The following MYOM2 variants were observed in gnomAD, a reference collection of about 807,000 sequenced individuals.
The protein encoded by MYOM2 is myomesin-2.
A neutral mutation model predicts 187.6 loss-of-function variants in MYOM2; 254 were observed. The ratio of observed to expected loss-of-function variants is 1.35; its 90% CI spans 1.22 to 1.50. MYOM2 has a LOEUF of 1.50. Ranked by LOEUF, MYOM2 falls within the 40% of genes most tolerant of loss-of-function variation. The pLI is 0.00. For missense variants in MYOM2, 2,796 were observed against 1,924.0 expected, an observed-to-expected ratio of 1.45 and a Z score of -8.48; for synonymous variants, 981 against 753.8, an observed-to-expected ratio of 1.30 and a Z score of -4.94.
Position 2,052,269 on chromosome 8 carries a change from G to T in MYOM2, c.219G>T (p.Lys73Asn). 1 of 1,611,150 alleles carries T rather than the reference G, an allele frequency of 6.2e-7. No homozygotes were observed. The highest frequency in any genetic ancestry group is 8.5e-7 in the Non-Finnish European group (1 of 1,178,974). The change falls in exon 3 of 37, where the codon AAG becomes AAT. Residue 73 changes from lysine to asparagine, a missense_variant. Lys to Asn is a moderately conservative substitution (Grantham distance 94, BLOSUM62 0). Transcript: ENST00000262113. The part of the protein sequence containing the change: ...LGGTICRVCA[K>N]RVSTQEDEEQ... ...GAACCATCTGCAGGGTCTGTGCGAA[G>T]CGAGTGAGCACGCAGGAAGATGAGG... is the stretch of plus-strand genomic sequence containing the variant.
chr8:2,069,219 G>A (rs988514791), intron 6 of MYOM2, 59 bp from the exon 7 acceptor site: 16 of 1,512,184 alleles, frequency 1.1e-5, no homozygotes, highest in South Asian at 9.5e-5. Context: ...TGTGCAATTC[G>A]GGTCACTGAC....
chr8:2,116,987 T>A (rs1797270304), intron 27 of MYOM2, among the ~76,000 whole-genome samples: 1 of 152,156 alleles, frequency 6.6e-6, no homozygotes, highest in African/African-American at 2.4e-5. Flanking sequence ...ATGGTCTCGA[T>A]CTCCTGACCT....
chr8:2,144,118 T>G (rs369856737), intron 36 of MYOM2, among the ~76,000 whole-genome samples: 4 of 151,994 alleles, frequency 2.6e-5, no homozygotes, highest in African/African-American at 9.7e-5. Flanking sequence ...AATGGAAGCC[T>G]AGAGAGCTCT....
Position 2,076,124 on chromosome 8 carries a change from T to C in MYOM2, c.1121-17T>C. On this transcript the variant is annotated splice_polypyrimidine_tract_variant and intron_variant, in intron 10 of 36. Coordinates refer to ENST00000262113, the MANE Select transcript of MYOM2 (RefSeq NM_003970.4). ...CTTTAAATGACAGGCGTGTGCCTTT[T>C]CTCTCCCTGCCCCAAGATGCTGACC... is the stretch of plus-strand genomic sequence containing the variant. 1 of 1,607,162 alleles carries C rather than the reference T, an allele frequency of 6.2e-7. No individual in the cohort carries two copies.
At chr8:2,086,998 C>T (rs1585881657) in intron 14 of MYOM2, among the ~76,000 whole-genome samples, 1 of 152,174 alleles carries the variant, frequency 6.6e-6, no homozygotes, top group East Asian at 1.9e-4. Context: ...TGCAGTTCTG[C>T]CATCACGTAT....
chr8:2,089,447 C>G (rs1017532348), intron 14 of MYOM2, among the ~76,000 whole-genome samples: 10 of 152,146 alleles, frequency 6.6e-5, no homozygotes, highest in Non-Finnish European at 1.3e-4. Context: ...TTAGATTTCA[C>G]AAAATAACAT....
chr8:2,119,658 G>A (rs945090321), intron 28 of MYOM2, among the ~76,000 whole-genome samples: 3 of 152,108 alleles, frequency 2.0e-5, no homozygotes, highest in African/African-American at 4.8e-5. Flanking sequence ...GAGGGAGAGC[G>A]AGGGGAGTCA....
intron 6 of MYOM2, among the ~76,000 whole-genome samples, chr8:2,063,707 G>C (rs1818922090): frequency 6.6e-6 from 1 of 152,178 alleles, no homozygotes. Flanking sequence ...TTGAGGACAT[G>C]AGGCCCCAGC....
At chr8:2,060,718 C>T (rs1343159971) in intron 6 of MYOM2, among the ~76,000 whole-genome samples, 1 of 149,894 alleles carries the variant, frequency 6.7e-6, no homozygotes, top group South Asian at 2.2e-4. Context: ...TCCCCAGAAG[C>T]CTGCTTGGAA....
chr8:2,122,298 G>C (rs748366141), intron 28 of MYOM2, among the ~76,000 whole-genome samples: 7 of 152,222 alleles, frequency 4.6e-5, no homozygotes, highest in Non-Finnish European at 8.8e-5. Flanking sequence ...CTACTTTGCA[G>C]CTCAGTGGGA....
In MYOM2 at chr8:2,094,046, G is replaced by A; in HGVS notation, c.2080G>A (p.Glu694Lys). 1 of 1,614,152 alleles carries A rather than the reference G, an allele frequency of 6.2e-7. No homozygotes were observed. The highest frequency in any genetic ancestry group is 8.5e-7 in the Non-Finnish European group (1 of 1,180,042). The part of the protein sequence containing the change: ...VKAVNAVGMS[E>K]NSQESDVIKV... ...GGCGGTCAATGCTGTGGGGATGAGT[G>A]AAAATTCCCAGGAATCAGACGTCAT... The change falls in exon 17 of 37, where the codon GAA becomes AAA. Residue 694 changes from glutamate (E) to lysine (K), a missense_variant. Coordinates refer to ENST00000262113, the MANE Select transcript of MYOM2 (RefSeq NM_003970.4).
chr8:2,112,478 G>A (rs1797100308), intron 25 of MYOM2, among the ~76,000 whole-genome samples: 1 of 152,128 alleles, frequency 6.6e-6, no homozygotes, highest in African/African-American at 2.4e-5. Context: ...GAATGATCAG[G>A]GAATAGCGAC....
intron 1 of MYOM2, among the ~76,000 whole-genome samples, chr8:2,046,157 T>A (rs1473167160): frequency 6.6e-6 from 1 of 152,248 alleles, no homozygotes; most frequent in African/African-American, 2.4e-5. Flanking sequence ...TTTGACATTT[T>A]TAACTGTACA....
chr8:2,135,964 G>C (rs571140720), intron 32 of MYOM2, among the ~76,000 whole-genome samples: 73 of 152,322 alleles, frequency 4.8e-4, no homozygotes, highest in African/African-American at 1.6e-3. Context: ...GTGGGAAGCT[G>C]GAAACCAGCA....
At chr8:2,134,506 C>T (rs1797997350) in intron 32 of MYOM2, among the ~76,000 whole-genome samples, 1 of 141,812 alleles carries the variant, frequency 7.1e-6, no homozygotes. Flanking sequence ...TCTTGTCCCT[C>T]CGCAGACCTG....
At chr8:2,138,356 G>C (rs1235361038) in intron 32 of MYOM2, among the ~76,000 whole-genome samples, 4 of 152,188 alleles carry the variant, frequency 2.6e-5, no homozygotes, top group Admixed American at 1.3e-4. Flanking sequence ...TGTGGACTGA[G>C]AGCAGCTGGG....
intron 13 of MYOM2, among the ~76,000 whole-genome samples, chr8:2,083,662 C>T (rs1336453787): frequency 6.6e-6 from 1 of 152,240 alleles, no homozygotes; most frequent in Non-Finnish European, 1.5e-5. Flanking sequence ...GGTCATCACT[C>T]ATGCCCACCC....
chr8:2,112,522 G>C (rs1350722579), intron 25 of MYOM2, among the ~76,000 whole-genome samples: 1 of 152,062 alleles, frequency 6.6e-6, no homozygotes, highest in East Asian at 1.9e-4. Flanking sequence ...CAACGGAGGG[G>C]GCTGTTTGCC....
chr8:2,059,375 A>G (rs1818777845), intron 6 of MYOM2, 130 bp downstream of exon 6: 1 of 680,330 alleles, frequency 1.5e-6, no homozygotes, highest in Non-Finnish European at 2.5e-6. Flanking sequence ...GACTTTAAAT[A>G]GCATTTATGA....
Sources: allele counts gnomAD v4.1 joint callset (sites outside exome capture counted in the v4.1 genomes callset), GRCh38; gene constraint gnomAD v4.1.1; transcripts MANE v1.5; gene names NCBI Gene and HGNC (gene_info 2026-07-23, HGNC 2026-07-21).